KAT6B: variants seen among roughly 807,000 people sequenced by gnomAD.
The protein encoded by KAT6B is lysine acetyltransferase 6B, also known as histone acetyltransferase KAT6B.
A neutral mutation model predicts 187.5 loss-of-function variants in KAT6B; 10 were observed. The observed-to-expected ratio is 0.05, with a 90% CI of 0.03 to 0.09. The LOEUF is 0.09. Ranked by LOEUF, KAT6B falls within the 10% of genes least tolerant of loss-of-function variation. The probability of loss-of-function intolerance (pLI) is 1.00; values close to 1 mark genes in which losing one functional copy is unlikely to be tolerated. For missense variants in KAT6B, 1,952 were observed against 2,558.9 expected (o/e 0.76, Z 5.12); for synonymous variants, 861 against 926.8 (o/e 0.93, Z 1.29).
intron 16 of KAT6B, among the ~76,000 whole-genome samples, chr10:75,023,056 G>T (rs958026716): frequency 2.6e-5 from 4 of 152,200 alleles, no homozygotes; most frequent in African/African-American, 9.7e-5. Flanking sequence ...GTGGCCAACT[G>T]CGCATTACTG....
In KAT6B at chr10:74,859,584, A is replaced by G. The variant is rs527280487; in HGVS notation, c.621+16106A>G. Among the ~76,000 whole-genome samples, 104 of 152,346 alleles carry G rather than the reference A, an allele frequency of 6.8e-4. 1 individual carries two copies. The highest frequency in any genetic ancestry group is 3.9e-3 in the Admixed American group (59 of 15,304). ...ATTCTTCATTTTATTTCATTTCACAATGTTTCAGCAGTCTTCTGCAGTTAG... is the reference window on the plus strand; with the variant it reads ...ATTCTTCATTTTATTTCATTTCACAGTGTTTCAGCAGTCTTCTGCAGTTAG... On this transcript the variant is annotated intron_variant, in intron 3 of 17. Coordinates refer to ENST00000287239, the MANE Select transcript of KAT6B (RefSeq NM_012330.4).
intron 3 of KAT6B, among the ~76,000 whole-genome samples, chr10:74,864,478 T>G (rs921410953): frequency 6.6e-6 from 1 of 152,060 alleles, no homozygotes; most frequent in Non-Finnish European, 1.5e-5. Context: ...TGACCTCAAG[T>G]CTGTATAAAA....
intron 13 of KAT6B, among the ~76,000 whole-genome samples, chr10:75,016,426 C>T (rs1172654153): frequency 6.6e-6 from 1 of 152,200 alleles, no homozygotes; most frequent in Non-Finnish European, 1.5e-5. Flanking sequence ...GATTATGTGG[C>T]CTGTATACTG....
At chr10:74,998,166 C>T (rs1843574149) in intron 13 of KAT6B, among the ~76,000 whole-genome samples, 1 of 151,288 alleles carries the variant, frequency 6.6e-6, no homozygotes, top group African/African-American at 2.4e-5. Context: ...GTTGCCCAGG[C>T]TGGTCTCAAA....
intron 3 of KAT6B, among the ~76,000 whole-genome samples, chr10:74,931,479 A>G (rs1426518485): frequency 3.3e-5 from 5 of 152,198 alleles, no homozygotes; most frequent in East Asian, 1.9e-4. Flanking sequence ...TGATCCATCT[A>G]TATAGCTTTA....
At chr10:74,943,493 A>T (rs916247786) in intron 3 of KAT6B, among the ~76,000 whole-genome samples, 2 of 152,212 alleles carry the variant, frequency 1.3e-5, no homozygotes, top group African/African-American at 4.8e-5. Flanking sequence ...AGGATTTGAA[A>T]TAGTTTAAAA....
At chr10:74,916,743 T>C (rs147494798) in intron 3 of KAT6B, among the ~76,000 whole-genome samples, 1 of 152,244 alleles carries the variant, frequency 6.6e-6, no homozygotes, top group South Asian at 2.1e-4. Flanking sequence ...AGTGTAGATA[T>C]GGCAGTGGTT....
rs3832681 is a variant in KAT6B, at chr10:75,031,177, T to TA, written c.*144dup. 0.079 allele frequency: 69,174 copies of TA among 873,880 alleles called. 596 individuals carry two copies. The highest frequency in any genetic ancestry group is 0.17 in the South Asian group (10,273 of 60,268). The allele number at this position is 873,880 out of a possible 1,614,324, so 54.1% of individuals were successfully genotyped here. A position where few individuals can be genotyped will look rare whatever the true frequency, so the allele number is the denominator to read the frequency against. On this transcript the variant is annotated 3_prime_UTR_variant, in exon 18 of 18. Transcript: ENST00000287239. ...AAAACATTTGTTGGCACCATTTATT[T>TA]AAAAAAAAAAAAAGCTGTATGCAGC...
At chr10:74,962,840 GT>G (rs1222083818) in intron 4 of KAT6B, among the ~76,000 whole-genome samples, 2 of 150,206 alleles carry the variant, frequency 1.3e-5, no homozygotes, top group African/African-American at 2.5e-5. Flanking sequence ...TTCTTTAACA[GT>G]TTTTTTTTCT....
chr10:75,028,901 G>GGAAGAGGAA lies in KAT6B; in HGVS notation c.4097_4105dup (p.Glu1366_Glu1368dup), dbSNP rs375513122. On this transcript the variant is annotated inframe_insertion, in exon 18 of 18. Transcript: ENST00000287239. Reference sequence around the variant, plus strand: ...AGGAAGAGGAAGAGGAGGAGGAGGAGGAAGAGGAAGAAGAGGAAGAAGAGG... The same window carrying GGAAGAGGAA: ...AGGAAGAGGAAGAGGAGGAGGAGGAGGAAGAGGAAGAAGAGGAAGAAGAGGAAGAAGAGG... The GGAAGAGGAA allele has an allele frequency of 4.2e-3, 6,727 of 1,609,420 alleles. 254 individuals are homozygous for GGAAGAGGAA. The African/African-American group carries it at 0.079, about 19-fold the overall frequency.
rs143210156 is a variant in KAT6B at position 74,943,994 on chromosome 10, G to A, written c.622-15976G>A. The stretch of plus-strand genomic sequence containing the variant: ...TTAAACAATGGGTGTTACAGGTTGT[G>A]TTCCTCAGGAAGCAGCTACGGATAA... On this transcript the variant is annotated intron_variant, in intron 3 of 17. Transcript: ENST00000287239. Among the ~76,000 whole-genome samples, 1,200 of 152,314 alleles carry A rather than the reference G, an allele frequency of 7.9e-3. 11 individuals carry two copies. The highest frequency in any genetic ancestry group is 0.015 in the Non-Finnish European group (987 of 68,024).
chr10:74,918,214 A>G (rs980713957), intron 3 of KAT6B, among the ~76,000 whole-genome samples: 4 of 152,196 alleles, frequency 2.6e-5, no homozygotes, highest in African/African-American at 7.2e-5. Context: ...TGTAATGCCT[A>G]TTGGGCACCT....
chr10:75,029,725 G>A lies in KAT6B; in HGVS notation c.4901G>A (p.Ser1634Asn). 1.2e-6 allele frequency: 2 copies of A among 1,614,164 alleles called. No individual in the cohort carries two copies. The highest frequency in any genetic ancestry group is 1.1e-5 in the South Asian group (1 of 91,072). ...TACGCCCAAATCAGCCCAGATCAAA[G>A]TGCCATCTCAGTGCCATCTCTGCAG... ...NSYAQISPDQ[S>N]AISVPSLQNM... The change falls in exon 18 of 18, where the codon AGT becomes AAT. Residue 1634 changes from serine to asparagine, a missense_variant. Ser to Asn is a conservative substitution (Grantham distance 46). Transcript: ENST00000287239. The surrounding 1 kb of genome is among the most constrained non-coding windows in gnomAD (Gnocchi z 6.2).
At position 75,030,146 on chromosome 10, in the gene KAT6B, C is replaced by T. The variant is rs781257930; in HGVS notation, c.5322C>T (p.Asn1774=). 1.2e-6 allele frequency: 2 copies of T among 1,614,256 alleles called. No homozygotes were observed. The highest frequency in any genetic ancestry group is 2.2e-5 in the South Asian group (2 of 91,088). The change falls in exon 18 of 18, where the codon AAC becomes AAT. Residue 1774 remains asparagine, a synonymous_variant. Coordinates refer to ENST00000287239, the MANE Select transcript of KAT6B (RefSeq NM_012330.4). This position sits in a 1 kb window ranked among gnomAD's most constrained non-coding sequence, Gnocchi z 4.8. The part of the protein sequence containing the change: ...QQLAQCSMAA[N]FTPPMQLAEI... ...TGGCTCAGTGCAGCATGGCTGCTAA[C>T]TTCACCCCACCCATGCAGCTGGCTG...
chr10:75,025,292 G>C, intron 17 of KAT6B, 43 bp downstream of exon 17: 3 of 1,600,862 alleles, frequency 1.9e-6, no homozygotes, highest in Non-Finnish European at 2.6e-6. Flanking sequence ...GAGAATGTCT[G>C]TATCTGACTG....
intron 1 of KAT6B, among the ~76,000 whole-genome samples, chr10:74,837,446 T>C (rs765795985): frequency 6.6e-6 from 1 of 151,980 alleles, no homozygotes; most frequent in Non-Finnish European, 1.5e-5. Flanking sequence ...AGAAAAAAAA[T>C]GAAAAGAGAA....
At chr10:74,952,564 C>T (rs1188210052) in intron 3 of KAT6B, among the ~76,000 whole-genome samples, 2 of 152,072 alleles carry the variant, frequency 1.3e-5, no homozygotes. Context: ...GAGAGGTGGC[C>T]TTGTAGCATG....
chr10:74,975,358 A>G (rs369101878), intron 7 of KAT6B, 41 bp from the exon 8 acceptor site: 19 of 1,552,578 alleles, frequency 1.2e-5, no homozygotes, highest in Non-Finnish European at 1.5e-5. Flanking sequence ...TTATAATTCT[A>G]TTTATTAAAT....
At position 74,975,726 on chromosome 10, in the gene KAT6B, T is replaced by C. The variant is rs753328262; in HGVS notation, c.1389T>C (p.Arg463=). The C allele has an allele frequency of 1.2e-6, 2 of 1,614,176 alleles. No homozygotes were observed. Among genetic ancestry groups the C allele is most frequent in the South Asian group, 2.2e-5 (2 of 91,084 alleles). The part of the protein sequence containing the change: ...GEIIDFSKHY[R]PRKKVSQKQS... ...TTATAGACTTTTCAAAGCACTATCG[T>C]CCAAGGAAAAAGGTCTCTCAGAAAC... is the stretch of plus-strand genomic sequence containing the variant. The change falls in exon 8 of 18, where the codon CGT becomes CGC. Residue 463 remains arginine (R), a synonymous_variant. Transcript: ENST00000287239.
Sources: allele counts gnomAD v4.1 joint callset (sites outside exome capture counted in the v4.1 genomes callset), GRCh38; gene constraint gnomAD v4.1.1; non-coding constraint Gnocchi (gnomAD v3.1); transcripts MANE v1.5; gene names NCBI Gene and HGNC (gene_info 2026-07-23, HGNC 2026-07-21).